GPBP1: variants seen among roughly 807,000 people sequenced by gnomAD.
GPBP1 encodes the protein vasculin.
In GPBP1, 13 loss-of-function variants were observed where a neutral mutation model predicts 56.5. That is an observed-to-expected ratio of 0.23 (90% CI 0.15 to 0.37). The LOEUF (loss-of-function observed/expected upper bound fraction) is 0.37, where lower values mean the gene tolerates loss of function less well. Among genes scored for constraint, GPBP1 ranks in the 10% least tolerant of loss-of-function variants. The pLI is 1.00. For synonymous variants in GPBP1, 204 were observed against 188.9 expected (o/e 1.08, Z -0.66); for missense variants, 477 against 572.3 (o/e 0.83, Z 1.70).
At chr5:57,244,232 C>T (rs796827950) in intron 6 of GPBP1, among the ~76,000 whole-genome samples, 3 of 152,230 alleles carry the variant, frequency 2.0e-5, no homozygotes, top group African/African-American at 7.2e-5. Flanking sequence ...CTGTTAGGTT[C>T]CTTTGTGTAC....
chr5:57,228,445 ACT>A (rs1404873272), intron 3 of GPBP1, among the ~76,000 whole-genome samples: 1 of 145,464 alleles, frequency 6.9e-6, no homozygotes, highest in Non-Finnish European at 1.5e-5. Context: ...ACAGAGCGAG[ACT>A]CTGTCTCAAA....
chr5:57,264,293 T>TA lies in GPBP1; in HGVS notation c.*1544dup, dbSNP rs1742025610. The TA allele has an allele frequency of 6.6e-6, 1 of 152,228 alleles. No homozygotes were observed. Among genetic ancestry groups the TA allele is most frequent in the South Asian group, 2.1e-4 (1 of 4,838 alleles). 9.4% of individuals were successfully genotyped at this position (152,228 alleles called of 1,614,324 possible). Reference sequence around the variant, plus strand: ...ACAATTCAATCTAATCAGCTAAAGTTAAATGTAGTTAGAATTAGCCACAGG... The same window carrying TA: ...ACAATTCAATCTAATCAGCTAAAGTTAAAATGTAGTTAGAATTAGCCACAGG... On this transcript the variant is annotated 3_prime_UTR_variant, in exon 12 of 12. Coordinates refer to ENST00000506184, the MANE Select transcript of GPBP1 (RefSeq NM_022913.4).
chr5:57,204,991 A>C (rs1008025929), intron 2 of GPBP1, among the ~76,000 whole-genome samples: 1 of 152,206 alleles, frequency 6.6e-6, no homozygotes, highest in Non-Finnish European at 1.5e-5. Flanking sequence ...AATCACTTAA[A>C]GCATACAATT....
chr5:57,237,861 A>G (rs1054002398), intron 6 of GPBP1, among the ~76,000 whole-genome samples: 1 of 152,086 alleles, frequency 6.6e-6, no homozygotes, highest in Non-Finnish European at 1.5e-5. Context: ...AAAAAAAGCA[A>G]TTTGTCCCTG....
chr5:57,205,337 G>T (rs977089886), intron 2 of GPBP1, among the ~76,000 whole-genome samples: 3 of 152,134 alleles, frequency 2.0e-5, no homozygotes, highest in East Asian at 1.9e-4. Flanking sequence ...GACATTTGGG[G>T]TGTTTCTACC....
rs80185546 is a variant in GPBP1, at chr5:57,250,936, T to A, written c.973-18T>A. 5.5e-6 allele frequency: 8 copies of A among 1,467,582 alleles called. No homozygotes were observed. Among genetic ancestry groups the A allele is most frequent in the Middle Eastern group, 1.8e-4 (1 of 5,508 alleles). The allele number at this position is 1,467,582 out of a possible 1,614,324, so 90.9% of individuals were successfully genotyped here. A position where few individuals can be genotyped will look rare whatever the true frequency, so the allele number is the denominator to read the frequency against. On this transcript the variant is annotated intron_variant, in intron 9 of 11. Transcript: ENST00000506184. ...TAGAACTCATTCTTTTTTTTTTTTT[T>A]AACTCTCTAAAAATCAGGATGACGA...
Position 57,214,063 on chromosome 5 carries a change from T to C in GPBP1, c.-57-11T>C. ...GCTGCAGGTCTAATTCCTTCCATTT[T>C]TATGTGACAGGGACTTGCCATGAGG... On this transcript the variant is annotated splice_polypyrimidine_tract_variant and intron_variant, in intron 2 of 11. Coordinates refer to ENST00000506184, the MANE Select transcript of GPBP1 (RefSeq NM_022913.4). The C allele has an allele frequency of 7.5e-7, 1 of 1,338,902 alleles. No individual in the cohort carries two copies. Among genetic ancestry groups the C allele is most frequent in the South Asian group, 1.2e-5 (1 of 84,112 alleles). 82.9% of individuals were successfully genotyped at this position (1,338,902 alleles called of 1,614,324 possible). A position where few individuals can be genotyped will look rare whatever the true frequency, so the allele number is the denominator to read the frequency against.
At position 57,175,886 on chromosome 5, in the gene GPBP1, CT is replaced by C. The variant is rs1753772260; in HGVS notation, c.-569del. On this transcript the variant is annotated 5_prime_UTR_variant, in exon 2 of 12. Coordinates refer to ENST00000506184, the MANE Select transcript of GPBP1 (RefSeq NM_022913.4). ...GTTTTAGGAATTTTTGACTTCAGCT[CT>C]TTCATGTCACAATGGGACACTTTTT... is the stretch of plus-strand genomic sequence containing the variant. 2.5e-6 allele frequency: 1 copy of C among 398,034 alleles called. No homozygotes were observed. Among genetic ancestry groups the C allele is most frequent in the South Asian group, 1.3e-4 (1 of 7,684 alleles). 24.7% of individuals were successfully genotyped at this position (398,034 alleles called of 1,614,324 possible).
rs1253036449 is a variant in GPBP1, at chr5:57,214,088, G to A, written c.-43G>A. 2.0e-6 allele frequency: 3 copies of A among 1,529,896 alleles called. No homozygotes were observed. The highest frequency in any genetic ancestry group is 1.7e-5 in the Admixed American group (1 of 59,772). The allele number at this position is 1,529,896 out of a possible 1,614,324, so 94.8% of individuals were successfully genotyped here. ...TTATGTGACAGGGACTTGCCATGAG[G>A]TGTTGAAGCCTTGTTTCACTGAGTT... On this transcript the variant is annotated 5_prime_UTR_variant, in exon 3 of 12. In the 5' UTR this introduces an upstream ATG that the reference lacks. Coordinates refer to ENST00000506184, the MANE Select transcript of GPBP1 (RefSeq NM_022913.4).
chr5:57,230,161 A>T (rs981948394), intron 3 of GPBP1, among the ~76,000 whole-genome samples: 6 of 151,786 alleles, frequency 4.0e-5, no homozygotes, highest in Non-Finnish European at 8.8e-5. Flanking sequence ...CGAACTCCCA[A>T]TCTCAGGTGA....
Position 57,231,125 on chromosome 5 carries a change from G to T in GPBP1, c.215G>T (p.Gly72Val), listed in dbSNP as rs1274189666. Residue 72 changes from glycine (G) to valine (V), a missense_variant, in exon 5 of 12, where the codon GGA (glycine) becomes GTA (valine). Physicochemically the swap from Gly to Val is moderately radical, Grantham distance 109 (BLOSUM62 -3). Transcript: ENST00000506184. The part of the protein sequence containing the change: ...GGNFGRKEKN[G>V]WRTHGRNGTE... ...AACTTTGGAAGGAAAGAAAAAAATG[G>T]ATGGCGTACACATGGAAGAAATGGT... 3.1e-6 allele frequency: 5 copies of T among 1,613,606 alleles called. No individual in the cohort carries two copies. The highest frequency in any genetic ancestry group is 1.7e-4 in the Middle Eastern group (1 of 6,060).
At chr5:57,223,465 TATC>T (rs980780763) in intron 3 of GPBP1, among the ~76,000 whole-genome samples, 35 of 152,280 alleles carry the variant, frequency 2.3e-4, no homozygotes, top group Non-Finnish European at 4.7e-4. Flanking sequence ...AGTGGTACCT[TATC>T]ATGGTTGAAA....
At chr5:57,219,419 C>A (rs150247534) in intron 3 of GPBP1, among the ~76,000 whole-genome samples, 1,571 of 66,696 alleles carry the variant, frequency 0.024, 37 homozygotes, top group Middle Eastern at 0.046. Context: ...AACAAACAAA[C>A]AAAAAAAAAA....
chr5:57,224,665 C>T (rs1207173501), intron 3 of GPBP1, among the ~76,000 whole-genome samples: 3 of 152,022 alleles, frequency 2.0e-5, no homozygotes, highest in Non-Finnish European at 2.9e-5. Flanking sequence ...TCTTGAACTC[C>T]TGGCCTCCCA....
At chr5:57,180,167 A>T (rs1034124140) in intron 2 of GPBP1, among the ~76,000 whole-genome samples, 15 of 152,202 alleles carry the variant, frequency 9.9e-5, no homozygotes, top group African/African-American at 3.6e-4. Context: ...CAGGCTGGAA[A>T]GCAGTGGCAC....
chr5:57,213,923 G>T (rs1272009346), intron 2 of GPBP1, among the ~76,000 whole-genome samples, 151 bp from the exon 3 acceptor site: 1 of 152,094 alleles, frequency 6.6e-6, no homozygotes, highest in Non-Finnish European at 1.5e-5. Flanking sequence ...CTTCCAAGTT[G>T]ATCTATTTTC....
At chr5:57,198,483 G>T (rs545295832) in intron 2 of GPBP1, among the ~76,000 whole-genome samples, 1 of 152,108 alleles carries the variant, frequency 6.6e-6, no homozygotes, top group African/African-American at 2.4e-5. Context: ...TCAGTATCTT[G>T]TGTAAATCGA....
intron 2 of GPBP1, among the ~76,000 whole-genome samples, chr5:57,201,923 G>A (rs1445070985): frequency 1.3e-5 from 2 of 152,106 alleles, no homozygotes; most frequent in African/African-American, 4.8e-5. Flanking sequence ...GTCATTTATT[G>A]GCTCTTGTAG....
chr5:57,259,109 A>G (rs1227874261), intron 10 of GPBP1, among the ~76,000 whole-genome samples: 1 of 152,246 alleles, frequency 6.6e-6, no homozygotes, highest in Admixed American at 6.5e-5. Context: ...AGTCGTGGCT[A>G]AAAGGAATGA....
Sources: allele counts gnomAD v4.1 joint callset (sites outside exome capture counted in the v4.1 genomes callset), GRCh38; gene constraint gnomAD v4.1.1; transcripts MANE v1.5; gene names NCBI Gene and HGNC (gene_info 2026-07-23, HGNC 2026-07-21).